The following MYBPHL variants were observed in gnomAD, a reference collection of about 807,000 sequenced individuals.
MYBPHL encodes the protein myosin binding protein H like.
MYBPHL carries 32 observed loss-of-function variants against 39.5 expected under a neutral mutation model. The ratio of observed to expected loss-of-function variants is 0.81; its 90% confidence interval spans 0.61 to 1.09. The LOEUF (loss-of-function observed/expected upper bound fraction) is 1.09, where lower values mean the gene tolerates loss of function less well. Among genes scored for constraint, MYBPHL ranks in the 50% least tolerant of loss-of-function variants. The pLI is 0.00. For missense variants in MYBPHL, 456 were observed against 460.2 expected (o/e 0.99, Z 0.08); for synonymous variants, 196 against 183.7 (o/e 1.07, Z -0.54).
intron 1 of MYBPHL, among the ~76,000 whole-genome samples, chr1:109,302,233 G>A (rs771348490): frequency 5.3e-5 from 8 of 152,114 alleles, no homozygotes; most frequent in Non-Finnish European, 8.8e-5. Flanking sequence ...AAAAGAGGGC[G>A]AATGCAGGAG....
intron 1 of MYBPHL, among the ~76,000 whole-genome samples, chr1:109,302,232 C>A (rs143894981): frequency 6.6e-6 from 1 of 151,882 alleles, no homozygotes; most frequent in Non-Finnish European, 1.5e-5. Context: ...CAAAAGAGGG[C>A]GAATGCAGGA....
intron 1 of MYBPHL, among the ~76,000 whole-genome samples, chr1:109,301,827 C>CG (rs1281751901): frequency 2.0e-5 from 3 of 152,010 alleles, no homozygotes; most frequent in Admixed American, 1.3e-4. Context: ...AATACCTACC[C>CG]TACTTTTATC....
chr1:109,299,728 G>C (rs1489733869), intron 1 of MYBPHL, among the ~76,000 whole-genome samples: 1 of 152,258 alleles, frequency 6.6e-6, no homozygotes, highest in African/African-American at 2.4e-5. Flanking sequence ...GAGGGGACTT[G>C]ATGGGCCTGA....
intron 3 of MYBPHL, 27 bp downstream of exon 3, chr1:109,297,395 C>A: frequency 6.3e-7 from 1 of 1,599,190 alleles, no homozygotes; most frequent in African/African-American, 1.3e-5. Context: ...CTGAGGACCC[C>A]CCCATCTCCC....
intron 1 of MYBPHL, among the ~76,000 whole-genome samples, chr1:109,301,292 G>A (rs1280411049): frequency 2.0e-5 from 3 of 152,178 alleles, no homozygotes; most frequent in African/African-American, 7.2e-5. Flanking sequence ...GCAGGTCTGT[G>A]AGAGTCACAG....
At chr1:109,297,293 G>A (rs1013976642) in intron 3 of MYBPHL, 104 bp from the exon 4 acceptor site, 56 of 1,572,346 alleles carry the variant, frequency 3.6e-5, no homozygotes, top group East Asian at 2.7e-4. Context: ...CCCCTCCTGC[G>A]CCCACCCTGT....
rs778141447 is a variant in MYBPHL, at chr1:109,296,214, C to T, written c.867+20G>A. On this transcript the variant is annotated intron_variant, in intron 6 of 8. Coordinates refer to ENST00000357155, the MANE Select transcript of MYBPHL (RefSeq NM_001010985.3). ...AACAAGAAGCAGCTCAGCACAGTGC[C>T]CCCCAGAGCCCCCACTCACCCGGGG... 8 of 1,611,498 alleles carry T rather than the reference C, an allele frequency of 5.0e-6. No individual in the cohort carries two copies. Among genetic ancestry groups the T allele is most frequent in the Non-Finnish European group, 6.8e-6 (8 of 1,179,362 alleles).
intron 3 of MYBPHL, 89 bp downstream of exon 3, chr1:109,297,333 C>G: frequency 6.4e-7 from 1 of 1,554,766 alleles, no homozygotes; most frequent in Non-Finnish European, 8.7e-7. Context: ...AGCCTTGCCG[C>G]AGCTTCCCCA....
intron 6 of MYBPHL, 26 bp downstream of exon 6, chr1:109,296,208 C>G: frequency 6.2e-7 from 1 of 1,611,288 alleles, no homozygotes; most frequent in Non-Finnish European, 8.5e-7. Context: ...CAGCTCAGCA[C>G]AGTGCCCCCC....
intron 1 of MYBPHL, among the ~76,000 whole-genome samples, chr1:109,299,286 T>C (rs991333528): frequency 1.3e-5 from 2 of 152,236 alleles, no homozygotes; most frequent in Non-Finnish European, 2.9e-5. Flanking sequence ...TCTTGGCAGT[T>C]GGAAGAACTT....
At chr1:109,305,457 T>G (rs887506719) in intron 1 of MYBPHL, among the ~76,000 whole-genome samples, 2 of 152,152 alleles carry the variant, frequency 1.3e-5, no homozygotes, top group Non-Finnish European at 2.9e-5. Context: ...TGCGGGCCCG[T>G]GACTGGGGGC....
At chr1:109,298,641 C>T (rs931226473) in intron 1 of MYBPHL, among the ~76,000 whole-genome samples, 22 of 152,228 alleles carry the variant, frequency 1.4e-4, no homozygotes, top group African/African-American at 5.1e-4. Context: ...CTACATTTGT[C>T]CTTAATACCA....
In MYBPHL at chr1:109,296,245, C is replaced by A. The variant is rs745345803; in HGVS notation, c.856G>T (p.Ala286Ser). 8.6e-5 allele frequency: 138 copies of A among 1,613,398 alleles called. No individual in the cohort carries two copies. The highest frequency in any genetic ancestry group is 1.0e-4 in the Non-Finnish European group (118 of 1,179,948). ...YNTQLFCCVR[A>S]SPRPKIIWLK... The stretch of plus-strand genomic sequence containing the variant: ...GAGCCCCCACTCACCCGGGGAGAGG[C>A]GCGGACACAGCAGAAGAGCTGGGTA... Residue 286 changes from alanine to serine, a missense_variant, in exon 6 of 9, where the codon GCC (alanine) becomes TCC (serine). Physicochemically the swap from Ala to Ser is moderately conservative, Grantham distance 99 (BLOSUM62 1). Transcript: ENST00000357155.
At chr1:109,295,063 G>A in intron 7 of MYBPHL, 48 bp downstream of exon 7, 1 of 1,591,224 alleles carries the variant, frequency 6.3e-7, no homozygotes. Flanking sequence ...CCGGTGGAGA[G>A]AGGAGGTGAC....
chr1:109,294,047 G>C (rs1423021488), intron 8 of MYBPHL, among the ~76,000 whole-genome samples, 159 bp downstream of exon 8: 1 of 152,082 alleles, frequency 6.6e-6, no homozygotes, highest in East Asian at 1.9e-4. Context: ...CTGGGCAACA[G>C]AGTAAGACAT....
Position 109,298,766 on chromosome 1 carries a change from C to T in MYBPHL, c.146-509G>A, listed in dbSNP as rs545892449. Among the ~76,000 whole-genome samples the T allele has an allele frequency of 5.2e-4, 79 of 152,260 alleles. No individual in the cohort carries two copies. The South Asian group carries it at 6.4e-3, about 12-fold the overall frequency. ...GTCAACACCCTGACCTCCCAGCCGC[C>T]CACGGAGACAACACTGATGTCACTG... is the stretch of plus-strand genomic sequence containing the variant. On this transcript the variant is annotated intron_variant, in intron 1 of 8. Coordinates refer to ENST00000357155, the MANE Select transcript of MYBPHL (RefSeq NM_001010985.3).
At position 109,295,020 on chromosome 1, in the gene MYBPHL, C is replaced by T. The variant is rs148995141; in HGVS notation, c.1054+91G>A. ...TCCAGCGGAGGAACCCCTTCTCCCC[C>T]TAGGCTTGCGTCTCTGTTCCCTGAC... is the stretch of plus-strand genomic sequence containing the variant. On this transcript the variant is annotated intron_variant, in intron 7 of 8. Transcript: ENST00000357155. The T allele has an allele frequency of 5.0e-3, 6,844 of 1,362,404 alleles. 22 individuals carry two copies. Among genetic ancestry groups the T allele is most frequent in the Non-Finnish European group, 6.4e-3 (6,344 of 984,118 alleles). 84.4% of individuals were successfully genotyped at this position (1,362,404 alleles called of 1,614,324 possible). A position where few individuals can be genotyped will look rare whatever the true frequency, so the allele number is the denominator to read the frequency against.
Position 109,294,485 on chromosome 1 carries a change from A to T in MYBPHL, c.1055-236T>A, listed in dbSNP as rs147959534. Among the ~76,000 whole-genome samples, 547 of 152,298 alleles carry T rather than the reference A, an allele frequency of 3.6e-3. 3 individuals carry two copies. The highest frequency in any genetic ancestry group is 0.013 in the African/African-American group (531 of 41,550). On this transcript the variant is annotated intron_variant, in intron 7 of 8. Coordinates refer to ENST00000357155, the MANE Select transcript of MYBPHL (RefSeq NM_001010985.3). ...AGAAACTGGGCTAGACACTGGGGGGACAAAGGCAAATAAGACAATGTCCCT... is the reference window on the plus strand; with the variant it reads ...AGAAACTGGGCTAGACACTGGGGGGTCAAAGGCAAATAAGACAATGTCCCT...
At chr1:109,297,716 T>G in intron 2 of MYBPHL, 99 bp from the exon 3 acceptor site, 1 of 1,112,924 alleles carries the variant, frequency 9.0e-7, no homozygotes, top group Non-Finnish European at 1.3e-6. Flanking sequence ...CAGGGAGGCT[T>G]GACTTGGAGC....
Sources: gnomAD v4.1 joint callset for allele counts (sites outside exome capture counted in the v4.1 genomes callset) on GRCh38, gnomAD v4.1.1 for gene constraint, MANE v1.5 for transcripts, NCBI Gene and HGNC (gene_info 2026-07-23, HGNC 2026-07-21) for gene names.